The following AGAP1 variants were observed in gnomAD, a reference collection of about 807,000 sequenced individuals.
AGAP1 encodes ArfGAP with GTPase domain, ankyrin repeat and PH domain 1.
In AGAP1, 29 loss-of-function variants were observed where a neutral mutation model predicts 105.3. That is an observed-to-expected ratio of 0.28 (90% CI 0.21 to 0.38). AGAP1 has a LOEUF of 0.38. Ranked by LOEUF, AGAP1 falls within the 10% of genes least tolerant of loss-of-function variation. The pLI, the probability that AGAP1 is intolerant of heterozygous loss-of-function variation, is 1.00. For missense variants in AGAP1, 998 were observed against 1,165.1 expected (o/e 0.86, Z 2.09); for synonymous variants, 509 against 485.9 (o/e 1.05, Z -0.63).
chr2:235,985,986 T>A (rs574054715), intron 13 of AGAP1, among the ~76,000 whole-genome samples: 1 of 152,328 alleles, frequency 6.6e-6, no homozygotes, highest in South Asian at 2.1e-4. Context: ...TTTAAAATAG[T>A]TTTTTCCAAT....
chr2:235,799,236 C>A lies in AGAP1; in HGVS notation c.802-131C>A. On this transcript the variant is annotated intron_variant, in intron 7 of 17. Coordinates refer to ENST00000304032, the MANE Select transcript of AGAP1 (RefSeq NM_001037131.3). This position sits in a 1 kb window ranked among gnomAD's most constrained non-coding sequence, Gnocchi z 5.0. ...CTAATACACCTGGCAAAGCCATAGACGCAAGTCAGCCATTCCCATGCATCC... is the reference window on the plus strand; with the variant it reads ...CTAATACACCTGGCAAAGCCATAGAAGCAAGTCAGCCATTCCCATGCATCC... The A allele has an allele frequency of 9.9e-7, 1 of 1,008,006 alleles. No homozygotes were observed. The highest frequency in any genetic ancestry group is 1.5e-6 in the Non-Finnish European group (1 of 679,538). 62.4% of individuals were successfully genotyped at this position (1,008,006 alleles called of 1,614,324 possible). A position where few individuals can be genotyped will look rare whatever the true frequency, so the allele number is the denominator to read the frequency against.
intron 1 of AGAP1, among the ~76,000 whole-genome samples, chr2:235,677,533 G>T (rs1948806475): frequency 6.6e-6 from 1 of 152,144 alleles, no homozygotes; most frequent in African/African-American, 2.4e-5. Context: ...GTGATCGTTA[G>T]GTCCAAGATT....
At position 235,765,528 on chromosome 2, in the gene AGAP1, C is replaced by T. The variant is rs186835547; in HGVS notation, c.673+15040C>T. Among the ~76,000 whole-genome samples, 7 of 152,274 alleles carry T rather than the reference C, an allele frequency of 4.6e-5. No homozygotes were observed. In the South Asian group the frequency reaches 1.0e-3, roughly 23 times the overall value. On this transcript the variant is annotated intron_variant, in intron 6 of 17. Transcript: ENST00000304032. ...GTTTGGGGGCTCATCGGCTCACTGC[C>T]GCGTGGTCAGTCCTGGTGCCGTGAG... is the stretch of plus-strand genomic sequence containing the variant.
At chr2:235,991,619 A>G (rs1448832549) in intron 13 of AGAP1, among the ~76,000 whole-genome samples, 4 of 152,180 alleles carry the variant, frequency 2.6e-5, no homozygotes, top group Non-Finnish European at 5.9e-5. Flanking sequence ...GGTGCATGAC[A>G]TTGGAGTTGC....
At chr2:235,542,074 G>T (rs1447393342) in intron 1 of AGAP1, among the ~76,000 whole-genome samples, 4 of 152,248 alleles carry the variant, frequency 2.6e-5, no homozygotes, top group Non-Finnish European at 5.9e-5. Flanking sequence ...GTTCCAGGAT[G>T]GAAGTTGTTA....
In AGAP1 at chr2:236,098,340, G is replaced by A. The variant is rs538035057; in HGVS notation, c.2115-21852G>A. 1.7e-3 allele frequency among the ~76,000 whole-genome samples: 259 copies of A among 152,188 alleles called. 2 individuals are homozygous for A. The highest frequency in any genetic ancestry group is 5.9e-3 in the African/African-American group (244 of 41,520). ...CACCTGTAATCCCAGCACTTTGGGA[G>A]GCTGACAGGGAACACATGAGGTCAG... On this transcript the variant is annotated intron_variant, in intron 16 of 17. Transcript: ENST00000304032.
Position 235,685,923 on chromosome 2 carries a change from C to G in AGAP1, c.164-23256C>G, listed in dbSNP as rs145412922. ...CATGTAAAATAAACATTGGTTAGGT[C>G]CAGAAAGGCAGGACCACTCAAAGTG... On this transcript the variant is annotated intron_variant, in intron 1 of 17. Coordinates refer to ENST00000304032, the MANE Select transcript of AGAP1 (RefSeq NM_001037131.3). Among the ~76,000 whole-genome samples the G allele has an allele frequency of 2.3e-3, 347 of 152,214 alleles. 3 individuals are homozygous for G. The highest frequency in any genetic ancestry group is 8.1e-3 in the African/African-American group (335 of 41,524).
chr2:235,786,195 G>A lies in AGAP1; in HGVS notation c.674-11564G>A, dbSNP rs141641755. On this transcript the variant is annotated intron_variant, in intron 6 of 17. Coordinates refer to ENST00000304032, the MANE Select transcript of AGAP1 (RefSeq NM_001037131.3). ...ATTTACTGGGATATTCACTTGCCTC[G>A]TCTTGGAAGACGCTGATTTGCATCC... 3.3e-5 allele frequency among the ~76,000 whole-genome samples: 5 copies of A among 152,310 alleles called. No homozygotes were observed. The East Asian group carries it at 7.7e-4, about 23-fold the overall frequency.
In AGAP1 at chr2:235,586,951, T is replaced by C. The variant is rs1945132303; in HGVS notation, c.163+92102T>C. Among the ~76,000 whole-genome samples, 1 of 152,172 alleles carries C rather than the reference T, an allele frequency of 6.6e-6. No individual in the cohort carries two copies. Among genetic ancestry groups the C allele is most frequent in the South Asian group, 2.1e-4 (1 of 4,826 alleles). ...TGTAACCAGATCAAGAGGCAGAATA[T>C]TACTAGGGTGGCAGTTTTGAGTCCC... On this transcript the variant is annotated intron_variant, in intron 1 of 17. Transcript: ENST00000304032. The surrounding 1 kb of genome is among the most constrained non-coding windows in gnomAD (Gnocchi z 4.2).
Position 235,888,420 on chromosome 2 carries a change from A to C in AGAP1, c.1155+4971A>C, listed in dbSNP as rs1290076666. 6.6e-6 allele frequency among the ~76,000 whole-genome samples: 1 copy of C among 152,122 alleles called. No individual in the cohort carries two copies. The highest frequency in any genetic ancestry group is 2.1e-4 in the South Asian group (1 of 4,826). On this transcript the variant is annotated intron_variant, in intron 10 of 17. Coordinates refer to ENST00000304032, the MANE Select transcript of AGAP1 (RefSeq NM_001037131.3). The surrounding 1 kb of genome is among the most constrained non-coding windows in gnomAD (Gnocchi z 4.8). ...TAGGGCTGCTCCACACAGCTCCTGC[A>C]TTAGTCAACCAAATTAAATTCCCAG...
intron 1 of AGAP1, among the ~76,000 whole-genome samples, chr2:235,605,409 A>C (rs900757190): frequency 2.6e-5 from 4 of 152,208 alleles, no homozygotes; most frequent in Non-Finnish European, 5.9e-5. Flanking sequence ...ATTTCGCCAC[A>C]TGCGAAGATT....
At chr2:235,545,649 T>C (rs1678412697) in intron 1 of AGAP1, among the ~76,000 whole-genome samples, 1 of 152,228 alleles carries the variant, frequency 6.6e-6, no homozygotes, top group Non-Finnish European at 1.5e-5. Context: ...CCCTGCAGAT[T>C]CTGCCTCTGG....
chr2:236,069,517 A>G (rs2058442052), intron 16 of AGAP1, among the ~76,000 whole-genome samples: 1 of 152,152 alleles, frequency 6.6e-6, no homozygotes, highest in Non-Finnish European at 1.5e-5. Flanking sequence ...TCTGCCTCCC[A>G]GGTTCAAGTG....
intron 1 of AGAP1, among the ~76,000 whole-genome samples, chr2:235,668,725 A>G (rs1281181855): frequency 6.6e-6 from 1 of 152,230 alleles, no homozygotes; most frequent in Non-Finnish European, 1.5e-5. Flanking sequence ...CGAGGATTTG[A>G]TGGAAGAGAA....
intron 2 of AGAP1, among the ~76,000 whole-genome samples, chr2:235,717,330 G>C (rs1951167218): frequency 6.6e-6 from 1 of 152,214 alleles, no homozygotes; most frequent in Non-Finnish European, 1.5e-5. Flanking sequence ...CAGCATTGCT[G>C]ATGCCGTTGC....
rs1944072074 is a variant in AGAP1, at chr2:235,559,266, T to C, written c.163+64417T>C. Among the ~76,000 whole-genome samples, 1 of 152,122 alleles carries C rather than the reference T, an allele frequency of 6.6e-6. No individual in the cohort carries two copies. Among genetic ancestry groups the C allele is most frequent in the Non-Finnish European group, 1.5e-5 (1 of 68,034 alleles). On this transcript the variant is annotated intron_variant, in intron 1 of 17. Coordinates refer to ENST00000304032, the MANE Select transcript of AGAP1 (RefSeq NM_001037131.3). The surrounding 1 kb of genome is among the most constrained non-coding windows in gnomAD (Gnocchi z 5.7). ...TAGAAACTTGCCAGCTTAGTCTTTA[T>C]AAAAATACGATGAAGGGGTGATTTG...
intron 1 of AGAP1, among the ~76,000 whole-genome samples, chr2:235,684,841 G>A (rs952427053): frequency 2.0e-5 from 3 of 152,156 alleles, no homozygotes; most frequent in African/African-American, 7.2e-5. Context: ...CAACAGGAGA[G>A]ACTATCTGGC....
intron 1 of AGAP1, among the ~76,000 whole-genome samples, chr2:235,696,841 G>A (rs1170609219): frequency 6.6e-6 from 1 of 151,990 alleles, no homozygotes; most frequent in Non-Finnish European, 1.5e-5. Context: ...GAAATTAGCT[G>A]GGTGTGGTGG....
intron 3 of AGAP1, among the ~76,000 whole-genome samples, chr2:235,717,992 T>G (rs1951204266): frequency 6.6e-6 from 1 of 152,238 alleles, no homozygotes; most frequent in South Asian, 2.1e-4. Context: ...GATATTGAAT[T>G]TATACATAAT....
Sources: gnomAD v4.1 joint callset for allele counts (sites outside exome capture counted in the v4.1 genomes callset) on GRCh38, gnomAD v4.1.1 for gene constraint, Gnocchi (gnomAD v3.1) non-coding constraint, MANE v1.5 for transcripts, NCBI Gene and HGNC (gene_info 2026-07-23, HGNC 2026-07-21) for gene names.